The following TMEM132C variants were observed in gnomAD, a reference collection of about 807,000 sequenced individuals.
TMEM132C encodes the protein transmembrane protein 132C.
A neutral mutation model predicts 61.4 loss-of-function variants in TMEM132C; 29 were observed. The observed-to-expected ratio is 0.47, with a 90% CI of 0.35 to 0.64. The LOEUF is 0.64. Among genes scored for constraint, TMEM132C ranks in the 30% least tolerant of loss-of-function variants. The pLI is 0.00. For missense variants in TMEM132C, 1,408 were observed against 1,476.9 expected, an observed-to-expected ratio of 0.95 and a Z score of 0.76; for synonymous variants, 656 against 633.1, an observed-to-expected ratio of 1.04 and a Z score of -0.54.
intron 2 of TMEM132C, among the ~76,000 whole-genome samples, chr12:128,487,806 T>C (rs1249520171): frequency 6.6e-6 from 1 of 152,034 alleles, no homozygotes; most frequent in Non-Finnish European, 1.5e-5. Flanking sequence ...CATAGGTCAG[T>C]TTTGCCAGTC....
chr12:128,418,976 G>A (rs943826373), intron 2 of TMEM132C, among the ~76,000 whole-genome samples: 1 of 152,038 alleles, frequency 6.6e-6, no homozygotes, highest in Non-Finnish European at 1.5e-5. Context: ...CCCTAGATAC[G>A]TTGTGTGTTT....
At chr12:128,588,231 C>T (rs940591112) in intron 3 of TMEM132C, among the ~76,000 whole-genome samples, 1 of 152,096 alleles carries the variant, frequency 6.6e-6, no homozygotes, top group South Asian at 2.1e-4. Context: ...CTCAGGGGTT[C>T]GAGATAAGCC....
chr12:128,642,575 G>A lies in TMEM132C; in HGVS notation c.1305+26240G>A, dbSNP rs139556067. Among the ~76,000 whole-genome samples, 6 of 152,186 alleles carry A rather than the reference G, an allele frequency of 3.9e-5. No homozygotes were observed. The East Asian group carries it at 9.6e-4, about 24-fold the overall frequency. On this transcript the variant is annotated intron_variant, in intron 4 of 8. Coordinates refer to ENST00000435159, the MANE Select transcript of TMEM132C (RefSeq NM_001136103.3). ...ACCTGGTTGTTAAAGAGTCTGAGACGTCCGCTTCTCTCTCTTGCTCCCTCT... is the reference window on the plus strand; with the variant it reads ...ACCTGGTTGTTAAAGAGTCTGAGACATCCGCTTCTCTCTCTTGCTCCCTCT...
chr12:128,671,685 C>T (rs1954533838), intron 5 of TMEM132C, among the ~76,000 whole-genome samples: 1 of 152,198 alleles, frequency 6.6e-6, no homozygotes, highest in African/African-American at 2.4e-5. Context: ...GTCCACTGGG[C>T]TCAGCGCCAC....
intron 1 of TMEM132C, among the ~76,000 whole-genome samples, chr12:128,271,434 G>T (rs1331484027): frequency 6.6e-6 from 1 of 151,974 alleles, no homozygotes; most frequent in Non-Finnish European, 1.5e-5. Flanking sequence ...TTATAAAAAA[G>T]ATTTTATTTC....
intron 2 of TMEM132C, among the ~76,000 whole-genome samples, chr12:128,468,879 T>A (rs956664749): frequency 2.6e-5 from 4 of 152,198 alleles, no homozygotes; most frequent in Non-Finnish European, 4.4e-5. Flanking sequence ...AAAATTAGTT[T>A]AAAATATTAA....
At chr12:128,411,932 G>C (rs535183266) in intron 1 of TMEM132C, among the ~76,000 whole-genome samples, 1 of 152,238 alleles carries the variant, frequency 6.6e-6, no homozygotes, top group South Asian at 2.1e-4. Flanking sequence ...AGGCTCCCGG[G>C]TTCACAATAT....
chr12:128,610,680 G>T (rs529202220), intron 3 of TMEM132C, among the ~76,000 whole-genome samples: 1 of 152,168 alleles, frequency 6.6e-6, no homozygotes, highest in Non-Finnish European at 1.5e-5. Context: ...TCAAGGCAAA[G>T]CTTAGCAAAT....
chr12:128,587,028 C>T (rs572561307), intron 3 of TMEM132C, among the ~76,000 whole-genome samples: 1 of 152,298 alleles, frequency 6.6e-6, no homozygotes, highest in South Asian at 2.1e-4. Context: ...GCCATAAAGG[C>T]GGAAGGAGAA....
intron 5 of TMEM132C, among the ~76,000 whole-genome samples, chr12:128,675,884 AATAGATAG>A: frequency 2.3e-5 from 1 of 42,776 alleles, no homozygotes; most frequent in East Asian, 5.4e-4. Context: ...TAGATAGATA[AATAGATAG>A]ATAGATAGAT....
intron 3 of TMEM132C, among the ~76,000 whole-genome samples, chr12:128,545,458 A>G (rs1055088330): frequency 2.0e-5 from 3 of 152,134 alleles, no homozygotes; most frequent in Non-Finnish European, 4.4e-5. Context: ...AGAACAGTCT[A>G]TTTCCTTTGG....
intron 2 of TMEM132C, among the ~76,000 whole-genome samples, chr12:128,477,359 C>T (rs551603997): frequency 3.3e-5 from 5 of 152,270 alleles, no homozygotes; most frequent in South Asian, 2.1e-4. Flanking sequence ...AGGCCTTCCC[C>T]GCATGAGGCC....
intron 1 of TMEM132C, among the ~76,000 whole-genome samples, chr12:128,362,875 C>T (rs141019823): frequency 1.5e-4 from 23 of 152,284 alleles, no homozygotes; most frequent in African/African-American, 5.3e-4. Context: ...TGGTGAGCTG[C>T]TCCAACCACA....
At chr12:128,614,403 C>T (rs985807871) in intron 3 of TMEM132C, among the ~76,000 whole-genome samples, 2 of 152,086 alleles carry the variant, frequency 1.3e-5, no homozygotes, top group African/African-American at 2.4e-5. Flanking sequence ...CAGCTGGCTG[C>T]ATTTGGTTCA....
At chr12:128,385,391 G>A (rs1216025570) in intron 1 of TMEM132C, among the ~76,000 whole-genome samples, 1 of 147,070 alleles carries the variant, frequency 6.8e-6, no homozygotes, top group Non-Finnish European at 1.5e-5. Flanking sequence ...AAAGATTCGA[G>A]ACATAAACGC....
At chr12:128,642,296 T>C (rs1383451737) in intron 4 of TMEM132C, among the ~76,000 whole-genome samples, 2 of 152,024 alleles carry the variant, frequency 1.3e-5, no homozygotes, top group African/African-American at 4.8e-5. Flanking sequence ...CATGTCTGGC[T>C]AATTTTTTGT....
At chr12:128,515,813 C>T (rs1158695845) in intron 2 of TMEM132C, among the ~76,000 whole-genome samples, 2 of 149,678 alleles carry the variant, frequency 1.3e-5, no homozygotes, top group Non-Finnish European at 1.5e-5. Context: ...CCAGCGTGGA[C>T]GACAGAGCGA....
chr12:128,494,973 T>G (rs1255474429), intron 2 of TMEM132C, among the ~76,000 whole-genome samples: 1 of 144,220 alleles, frequency 6.9e-6, no homozygotes, highest in Non-Finnish European at 1.5e-5. Flanking sequence ...CTTTCTCTTG[T>G]GGGCATTTAG....
Position 128,535,726 on chromosome 12 carries a change from G to C in TMEM132C, c.975-8231G>C, listed in dbSNP as rs1340929196. ...TACTAAACGTACAAAAAATTAATCAGGCATGGTGGCAGGCACCTGTAGTCC... is the reference window on the plus strand; with the variant it reads ...TACTAAACGTACAAAAAATTAATCACGCATGGTGGCAGGCACCTGTAGTCC... On this transcript the variant is annotated intron_variant, in intron 2 of 8. Coordinates refer to ENST00000435159, the MANE Select transcript of TMEM132C (RefSeq NM_001136103.3). Among the ~76,000 whole-genome samples, 7 of 152,228 alleles carry C rather than the reference G, an allele frequency of 4.6e-5. No homozygotes were observed. The South Asian group carries it at 1.2e-3, about 27-fold the overall frequency.
Sources: allele counts gnomAD v4.1 joint callset (sites outside exome capture counted in the v4.1 genomes callset), GRCh38; gene constraint gnomAD v4.1.1; transcripts MANE v1.5; gene names NCBI Gene and HGNC (gene_info 2026-07-23, HGNC 2026-07-21).